Variants in ITPR1 observed in about 807,000 individuals in gnomAD.
ITPR1 encodes inositol 1,4,5-trisphosphate-gated calcium channel ITPR1.
ITPR1 carries 96 observed loss-of-function variants against 318.4 expected under a neutral mutation model. That is an observed-to-expected ratio of 0.30 (90% confidence interval 0.26 to 0.36). The LOEUF is 0.36. Ranked by LOEUF, ITPR1 falls within the 10% of genes least tolerant of loss-of-function variation. The pLI is 1.00. For synonymous variants in ITPR1, 1,312 were observed against 1,289.9 expected (o/e 1.02, Z -0.37); for missense variants, 2,440 against 3,460.2 (o/e 0.71, Z 7.40).
chr3:4,809,286 G>C (rs1244146717), intron 55 of ITPR1, among the ~76,000 whole-genome samples: 1 of 152,224 alleles, frequency 6.6e-6, no homozygotes, highest in South Asian at 2.1e-4. Flanking sequence ...AGCACGTATG[G>C]AGGCATGTAT....
intron 2 of ITPR1, among the ~76,000 whole-genome samples, chr3:4,509,305 C>T (rs2124898652): frequency 6.6e-6 from 1 of 152,216 alleles, no homozygotes; most frequent in South Asian, 2.1e-4. Flanking sequence ...TGTCAGTACT[C>T]CAAGCCATTT....
chr3:4,830,499 C>T (rs954469558), intron 60 of ITPR1, among the ~76,000 whole-genome samples: 2 of 151,920 alleles, frequency 1.3e-5, no homozygotes, highest in African/African-American at 4.8e-5. Flanking sequence ...ATTTAAAGTC[C>T]GTTAAGTGTC....
At position 4,704,867 on chromosome 3, in the gene ITPR1, T is replaced by G. The variant is rs578044541; in HGVS notation, c.4658-1300T>G. ...AACCCACTGTGTTAGTTGTTTAGCT[T>G]ATGAATATCCAAGGCATAGAGTTTC... On this transcript the variant is annotated intron_variant, in intron 36 of 61. Coordinates refer to ENST00000649015, the MANE Select transcript of ITPR1 (RefSeq NM_001378452.1). Among the ~76,000 whole-genome samples, 10 of 152,304 alleles carry G rather than the reference T, an allele frequency of 6.6e-5. No homozygotes were observed. The South Asian group carries it at 1.7e-3, about 25-fold the overall frequency.
At chr3:4,546,823 C>T (rs2085062467) in intron 4 of ITPR1, among the ~76,000 whole-genome samples, 1 of 146,394 alleles carries the variant, frequency 6.8e-6, no homozygotes, top group South Asian at 2.2e-4. Flanking sequence ...GAAATCTTGA[C>T]ATACCACCCT....
intron 4 of ITPR1, among the ~76,000 whole-genome samples, chr3:4,626,944 G>A (rs990578559): frequency 6.6e-6 from 1 of 152,084 alleles, no homozygotes; most frequent in African/African-American, 2.4e-5. Flanking sequence ...TCAGCCACTG[G>A]AGTAGCTGGG....
intron 45 of ITPR1, 43 bp from the exon 46 acceptor site, chr3:4,768,468 A>G (rs1392762446): frequency 1.9e-6 from 3 of 1,561,796 alleles, no homozygotes; most frequent in Non-Finnish European, 8.7e-7. Flanking sequence ...AATAGGGCCC[A>G]TGAGGACTCT....
chr3:4,669,976 C>T (rs2094038071), intron 19 of ITPR1, among the ~76,000 whole-genome samples: 1 of 152,164 alleles, frequency 6.6e-6, no homozygotes, highest in African/African-American at 2.4e-5. Context: ...AGTGGTGTCA[C>T]TTATTTTGCA....
At chr3:4,495,166 A>T (rs2080450834) in intron 2 of ITPR1, among the ~76,000 whole-genome samples, 1 of 152,112 alleles carries the variant, frequency 6.6e-6, no homozygotes, top group Admixed American at 6.5e-5. Flanking sequence ...CAAAATGGTC[A>T]GACTGCATTT....
At chr3:4,610,923 TCCCTTCCCTTC>T (rs2092043727) in intron 4 of ITPR1, among the ~76,000 whole-genome samples, 1 of 78,342 alleles carries the variant, frequency 1.3e-5, no homozygotes, top group Non-Finnish European at 2.4e-5. Flanking sequence ...CTCCTTCCCT[TCCCTTCCCTTC>T]CCCTTCCTCT....
intron 13 of ITPR1, among the ~76,000 whole-genome samples, chr3:4,660,042 A>G (rs2125187896): frequency 6.6e-6 from 1 of 152,256 alleles, no homozygotes; most frequent in Admixed American, 6.5e-5. Context: ...GAAATTATAG[A>G]TATATTTTAT....
At chr3:4,715,819 C>T (rs1231986961) in intron 39 of ITPR1, among the ~76,000 whole-genome samples, 1 of 152,210 alleles carries the variant, frequency 6.6e-6, no homozygotes, top group African/African-American at 2.4e-5. Flanking sequence ...CACCACTGCA[C>T]TCCAGCCTGG....
intron 55 of ITPR1, among the ~76,000 whole-genome samples, chr3:4,810,870 G>T (rs757856922): frequency 1.2e-4 from 18 of 152,202 alleles, no homozygotes; most frequent in Non-Finnish European, 2.5e-4. Context: ...CTGGGCTGCA[G>T]GAGGGCAGGG....
intron 4 of ITPR1, among the ~76,000 whole-genome samples, chr3:4,557,722 T>G (rs2125011200): frequency 6.6e-6 from 1 of 152,292 alleles, no homozygotes; most frequent in Admixed American, 6.5e-5. Flanking sequence ...TTTTTGCAGA[T>G]TTTATACTTT....
intron 4 of ITPR1, among the ~76,000 whole-genome samples, chr3:4,607,355 A>C (rs2091774560): frequency 6.6e-6 from 1 of 152,166 alleles, no homozygotes; most frequent in Non-Finnish European, 1.5e-5. Flanking sequence ...GTGTGGTTGC[A>C]GGGCCGCTTG....
chr3:4,834,518 C>T (rs2050750032), intron 60 of ITPR1, among the ~76,000 whole-genome samples: 2 of 152,182 alleles, frequency 1.3e-5, no homozygotes, highest in Non-Finnish European at 2.9e-5. Flanking sequence ...CAGCCCAGCC[C>T]ACGTCATCCC....
chr3:4,606,740 A>G (rs1224505990), intron 4 of ITPR1, among the ~76,000 whole-genome samples: 1 of 152,192 alleles, frequency 6.6e-6, no homozygotes, highest in East Asian at 1.9e-4. Flanking sequence ...ATCTGTAGCT[A>G]TCTGCTTAGG....
At chr3:4,592,981 G>C (rs879438633) in intron 4 of ITPR1, among the ~76,000 whole-genome samples, 1 of 152,212 alleles carries the variant, frequency 6.6e-6, no homozygotes, top group Non-Finnish European at 1.5e-5. Context: ...AGACCAACTG[G>C]CTTCTCTGGT....
At chr3:4,570,932 G>T (rs1477748166) in intron 4 of ITPR1, among the ~76,000 whole-genome samples, 2 of 152,206 alleles carry the variant, frequency 1.3e-5, no homozygotes, top group Non-Finnish European at 2.9e-5. Context: ...AGGTTCTGCT[G>T]ATCTTGGGTG....
At chr3:4,550,998 G>C (rs1425383472) in intron 4 of ITPR1, among the ~76,000 whole-genome samples, 2 of 152,138 alleles carry the variant, frequency 1.3e-5, no homozygotes, top group Non-Finnish European at 2.9e-5. Context: ...GAATAGTGCT[G>C]CCTGCCTTTG....
Sources: gnomAD v4.1 joint callset for allele counts (sites outside exome capture counted in the v4.1 genomes callset) on GRCh38, gnomAD v4.1.1 for gene constraint, MANE v1.5 for transcripts, NCBI Gene and HGNC (gene_info 2026-07-23, HGNC 2026-07-21) for gene names.